METAP1D: variants seen among roughly 807,000 people sequenced by gnomAD.
METAP1D encodes the protein methionyl aminopeptidase type 1D, mitochondrial.
Under a neutral mutation model 40.5 loss-of-function variants are expected in METAP1D, and 31 were observed. That is an observed-to-expected ratio of 0.77 (90% confidence interval 0.58 to 1.03). The LOEUF is 1.03. Among genes scored for constraint, METAP1D ranks in the 50% least tolerant of loss-of-function variants. The pLI is 0.00. For missense variants in METAP1D, 411 were observed against 420.7 expected, an observed-to-expected ratio of 0.98 and a Z score of 0.20; for synonymous variants, 151 against 146.4, an observed-to-expected ratio of 1.03 and a Z score of -0.22.
intron 1 of METAP1D, among the ~76,000 whole-genome samples, chr2:172,006,050 G>A (rs769074964): frequency 5.3e-5 from 8 of 151,818 alleles, no homozygotes; most frequent in Non-Finnish European, 1.0e-4. Context: ...GGAAAAGCAA[G>A]TTATAAAACA....
intron 1 of METAP1D, among the ~76,000 whole-genome samples, chr2:172,038,026 C>T (rs1443922564): frequency 6.6e-6 from 1 of 152,170 alleles, no homozygotes; most frequent in Non-Finnish European, 1.5e-5. Context: ...GGGTACTCAG[C>T]CTTCATCTTC....
intron 1 of METAP1D, among the ~76,000 whole-genome samples, chr2:172,011,035 G>A (rs1360896936): frequency 3.3e-5 from 5 of 152,150 alleles, no homozygotes; most frequent in Non-Finnish European, 5.9e-5. Flanking sequence ...GATTACAGGC[G>A]TGAGCCACCG....
chr2:172,009,118 G>C (rs1261903656), intron 1 of METAP1D, among the ~76,000 whole-genome samples: 1 of 151,556 alleles, frequency 6.6e-6, no homozygotes, highest in Non-Finnish European at 1.5e-5. Context: ...TCTGCTCACT[G>C]CAAACTCCAC....
intron 1 of METAP1D, among the ~76,000 whole-genome samples, chr2:172,019,894 A>T (rs1465964365): frequency 6.6e-6 from 1 of 152,184 alleles, no homozygotes; most frequent in Non-Finnish European, 1.5e-5. Context: ...ACTATAAGTT[A>T]CTTGAACATA....
chr2:172,058,173 T>C lies in METAP1D; in HGVS notation c.41-3325T>C, dbSNP rs187174646. ...CAAGCCACCACATCTGGCTAATTCT[T>C]TTATTTTTTGTAGAGATGGGATCTC... On this transcript the variant is annotated intron_variant, in intron 1 of 9. Coordinates refer to ENST00000315796, the MANE Select transcript of METAP1D (RefSeq NM_199227.3). 4.5e-4 allele frequency among the ~76,000 whole-genome samples: 69 copies of C among 152,140 alleles called. No individual in the cohort carries two copies. In the Middle Eastern group the frequency reaches 0.014, roughly 30 times the overall value.
chr2:172,052,935 A>G (rs889964206), intron 1 of METAP1D, among the ~76,000 whole-genome samples: 1 of 152,118 alleles, frequency 6.6e-6, no homozygotes, highest in Non-Finnish European at 1.5e-5. Context: ...TTTTTCCCTC[A>G]GCAAATGCAT....
intron 1 of METAP1D, among the ~76,000 whole-genome samples, chr2:172,002,922 G>C (rs1354676364): frequency 6.6e-6 from 1 of 152,002 alleles, no homozygotes; most frequent in East Asian, 1.9e-4. Context: ...AACTCATTGT[G>C]GCTTTGGTCA....
chr2:172,024,594 C>G (rs7578013), intron 1 of METAP1D, among the ~76,000 whole-genome samples: 1 of 152,096 alleles, frequency 6.6e-6, no homozygotes, highest in Non-Finnish European at 1.5e-5. Context: ...GGTAACCCCC[C>G]GCTATATACC....
In METAP1D at chr2:172,036,180, G is replaced by A. The variant is rs545595099; in HGVS notation, c.41-25318G>A. Among the ~76,000 whole-genome samples, 190 of 151,186 alleles carry A rather than the reference G, an allele frequency of 1.3e-3. 2 individuals are homozygous for A. Among genetic ancestry groups the A allele is most frequent in the South Asian group, 0.011 (54 of 4,756 alleles). On this transcript the variant is annotated intron_variant, in intron 1 of 9. Transcript: ENST00000315796. ...AAAATACAAAAAGTTAGCTGGGCGT[G>A]GTGGCGGGTGCCTGTAGTCCCAGCT...
rs148974776 is a variant in METAP1D, at chr2:172,059,760, C to G, written c.41-1738C>G. Among the ~76,000 whole-genome samples the G allele has an allele frequency of 2.2e-3, 333 of 152,294 alleles. 1 individual carries two copies. The highest frequency in any genetic ancestry group is 7.7e-3 in the African/African-American group (318 of 41,566). On this transcript the variant is annotated intron_variant, in intron 1 of 9. Transcript: ENST00000315796. ...TGTGACCTGTTGGGGACTTCTAAAA[C>G]TATTGTTCTGGCCAGGCGCGGTGGC...
At chr2:172,017,001 G>A (rs893427210) in intron 1 of METAP1D, among the ~76,000 whole-genome samples, 31 of 152,020 alleles carry the variant, frequency 2.0e-4, no homozygotes, top group Middle Eastern at 3.2e-3. Context: ...CAAAGGAGGG[G>A]CCTCAGATAT....
intron 1 of METAP1D, among the ~76,000 whole-genome samples, chr2:172,001,014 C>T (rs1688447962): frequency 6.6e-6 from 1 of 151,960 alleles, no homozygotes; most frequent in Non-Finnish European, 1.5e-5. Context: ...AAAACAAAAA[C>T]AAAAACCCAG....
intron 1 of METAP1D, among the ~76,000 whole-genome samples, chr2:172,008,025 CT>C (rs60404224): frequency 1.7e-3 from 237 of 137,964 alleles, no homozygotes; most frequent in East Asian, 8.1e-3. Flanking sequence ...TTTACTTTCC[CT>C]TTTTTTTTTT....
chr2:172,007,513 G>C (rs1000264898), intron 1 of METAP1D, among the ~76,000 whole-genome samples: 2 of 152,004 alleles, frequency 1.3e-5, no homozygotes, highest in Admixed American at 6.6e-5. Context: ...TTTGCTGTTA[G>C]TTCTAGGGGG....
At chr2:172,010,772 A>T (rs1688699586) in intron 1 of METAP1D, among the ~76,000 whole-genome samples, 1 of 132,034 alleles carries the variant, frequency 7.6e-6, no homozygotes. Context: ...TTTTGAGATG[A>T]AGTCTCTGAT....
chr2:172,013,192 G>T (rs745543042), intron 1 of METAP1D, among the ~76,000 whole-genome samples: 1 of 152,170 alleles, frequency 6.6e-6, no homozygotes, highest in South Asian at 2.1e-4. Context: ...TTGTGTGTGC[G>T]CTCCGGCTGT....
At chr2:172,079,869 CCTT>C (rs1301769563) in intron 8 of METAP1D, among the ~76,000 whole-genome samples, 4 of 152,120 alleles carry the variant, frequency 2.6e-5, no homozygotes, top group Admixed American at 1.3e-4. Context: ...ATTAAAATGC[CCTT>C]CTTTCTCTAA....
intron 5 of METAP1D, among the ~76,000 whole-genome samples, chr2:172,070,297 G>A (rs1047023975): frequency 2.0e-5 from 3 of 152,084 alleles, no homozygotes; most frequent in Non-Finnish European, 2.9e-5. Context: ...TCGGCTGTCT[G>A]GAACATTTGA....
At position 172,080,508 on chromosome 2, in the gene METAP1D, G is replaced by C. The variant is rs2105508932; in HGVS notation, c.*102G>C. The C allele has an allele frequency of 1.6e-6, 2 of 1,250,438 alleles. No homozygotes were observed. Among genetic ancestry groups the C allele is most frequent in the Non-Finnish European group, 2.3e-6 (2 of 866,914 alleles). 77.5% of individuals were successfully genotyped at this position (1,250,438 alleles called of 1,614,324 possible). A position where few individuals can be genotyped will look rare whatever the true frequency, so the allele number is the denominator to read the frequency against. On this transcript the variant is annotated 3_prime_UTR_variant, in exon 10 of 10. Transcript: ENST00000315796. ...GAAACAGGGAAATGACCGGTGGTGC[G>C]GTAACCTGCGTGGCTCCTGATAGCG...
Sources: gnomAD v4.1 joint callset for allele counts (sites outside exome capture counted in the v4.1 genomes callset) on GRCh38, gnomAD v4.1.1 for gene constraint, MANE v1.5 for transcripts, NCBI Gene and HGNC (gene_info 2026-07-23, HGNC 2026-07-21) for gene names.